Variants in UBXN11 observed in about 807,000 individuals in gnomAD.
UBXN11 encodes the protein UBX domain-containing protein 11.
Under a neutral mutation model 62.8 loss-of-function variants are expected in UBXN11, and 47 were observed. The ratio of observed to expected loss-of-function variants is 0.75; its 90% CI spans 0.59 to 0.95. The LOEUF is 0.95. UBXN11 is among the 40% of genes least tolerant of loss of function. UBXN11 has a pLI of 0.00. For synonymous variants in UBXN11, 294 were observed against 267.0 expected (o/e 1.10, Z -0.99); for missense variants, 638 against 661.7 (o/e 0.96, Z 0.39).
intron 1 of UBXN11, among the ~76,000 whole-genome samples, chr1:26,305,740 C>A (rs2073651480): frequency 6.6e-6 from 1 of 152,210 alleles, no homozygotes. Flanking sequence ...CTTCCTCCCA[C>A]TTCCCCCTTC....
In UBXN11 at chr1:26,285,522, A is replaced by G. The variant is rs377538698; in HGVS notation, c.794T>C (p.Leu265Ser). The change falls in exon 10 of 15, where the codon TTG (leucine) becomes TCG (serine). Residue 265 changes from leucine to serine, a missense_variant. Physicochemically the swap from Leu to Ser is moderately radical, Grantham distance 145. Transcript: ENST00000374222. ...GAGCTCTGAGGGAAAGAAGCCATCC[A>G]ATATGTCTCGGAGGCAGCGCTGCAA... ...PSTQRCLRDI[L>S]DGFFPSELQR... 3 of 1,595,732 alleles carry G rather than the reference A, an allele frequency of 1.9e-6. No individual in the cohort carries two copies. The highest frequency in any genetic ancestry group is 1.7e-5 in the Admixed American group (1 of 58,894).
intron 8 of UBXN11, among the ~76,000 whole-genome samples, chr1:26,287,111 GCTGA>G (rs1202172151): frequency 1.3e-5 from 2 of 152,138 alleles, no homozygotes; most frequent in Non-Finnish European, 2.9e-5. Context: ...GGGAGCCGGG[GCTGA>G]CTCTCAAGTC....
At chr1:26,308,191 T>C (rs1202682814), upstream of UBXN11, among the ~76,000 whole-genome samples, 1 of 147,368 alleles carries the variant, frequency 6.8e-6, no homozygotes, top group African/African-American at 2.5e-5. Context: ...CGCTTGAACC[T>C]GGGAGGCGGA....
In UBXN11 at chr1:26,297,437, C is replaced by A; in HGVS notation, c.345G>T (p.Arg115=). 6.4e-7 allele frequency: 1 copy of A among 1,552,112 alleles called. No individual in the cohort carries two copies. ...CCAAGAGCCCCCTACCTGGGTGTGG[C>A]CGGAGGGTCTGCACCAGGTCCTCTA... is the stretch of plus-strand genomic sequence containing the variant. ...AALEDLVQTL[R]PHPAEATLQR... is the part of the protein sequence containing the mutation. The change falls in exon 6 of 15, where the codon CGG becomes CGT. Residue 115 remains arginine (R), a synonymous_variant. Coordinates refer to ENST00000374222, the MANE Select transcript of UBXN11 (RefSeq NM_001389556.1).
At chr1:26,297,313 A>C in intron 6 of UBXN11, 114 bp downstream of exon 6, 1 of 1,273,740 alleles carries the variant, frequency 7.9e-7, no homozygotes, top group Non-Finnish European at 1.1e-6. Context: ...GACCCCACCA[A>C]GTAGTCAGCT....
At chr1:26,318,083 G>T in exon 1 of UBXN11, 1 of 1,613,122 alleles carries the variant, frequency 6.2e-7, no homozygotes, top group Non-Finnish European at 8.5e-7. Flanking sequence ...TAAGAGCAAC[G>T]CCTGGCACCA....
At chr1:26,292,534 TAAAGA>T (rs1557683857) in intron 8 of UBXN11, among the ~76,000 whole-genome samples, 1 of 149,316 alleles carries the variant, frequency 6.7e-6, no homozygotes, top group African/African-American at 2.5e-5. Flanking sequence ...AAAAGAAAAA[TAAAGA>T]AAAGAAAAAA....
chr1:26,302,813 C>T lies in UBXN11; in HGVS notation c.71G>A (p.Gly24Glu), dbSNP rs185509270. The change falls in exon 2 of 15, where the codon GGG becomes GAG. Residue 24 changes from glycine (G) to glutamate (E), a missense_variant and splice_region_variant. Transcript: ENST00000374222. ...VPLPSEPMNP[G>E]RRGIRIYGDE... ...AAGACCCCTGAGGCTGGCTCCTTAC[C>T]CAGGATTCATAGGCTCCGAGGGCAG... 5,082 of 1,613,610 alleles carry T rather than the reference C, an allele frequency of 3.1e-3. 20 individuals are homozygous for T. The highest frequency in any genetic ancestry group is 7.1e-3 in the Middle Eastern group (43 of 6,044).
chr1:26,301,829 G>T (rs2073545336), intron 2 of UBXN11, 107 bp from the exon 3 acceptor site: 1 of 1,465,804 alleles, frequency 6.8e-7, no homozygotes, highest in East Asian at 2.3e-5. Flanking sequence ...CAAAGAGATG[G>T]AAGCAGGGCC....
Position 26,282,436 on chromosome 1 carries a change from TC to T in UBXN11, c.1425del (p.Lys476SerfsTer4). 1 of 1,599,570 alleles carries T rather than the reference TC, an allele frequency of 6.3e-7. No homozygotes were observed. Among genetic ancestry groups the T allele is most frequent in the Non-Finnish European group, 8.5e-7 (1 of 1,177,980 alleles). ...AALLLRARRA[P>X]KSSLKFSPGP... ...CCAGGACTGAATTTCAGGCTGGACT[TC>T]GGGGCTCGGCGTGCCCGCAGCAGCA... On this transcript the variant is annotated frameshift_variant, in exon 15 of 15. Coordinates refer to ENST00000374222, the MANE Select transcript of UBXN11 (RefSeq NM_001389556.1). LOFTEE classifies it low-confidence loss of function (END_TRUNC).
chr1:26,317,168 G>A (rs1472750177), intron 1 of UBXN11, among the ~76,000 whole-genome samples: 1 of 151,674 alleles, frequency 6.6e-6, no homozygotes, highest in Non-Finnish European at 1.5e-5. Context: ...TTGAACCCAG[G>A]AGGTGGAGGT....
intron 1 of UBXN11, among the ~76,000 whole-genome samples, chr1:26,304,368 C>T (rs1194065715): frequency 1.3e-5 from 2 of 152,234 alleles, no homozygotes; most frequent in Admixed American, 6.5e-5. Context: ...CATTAGTTCC[C>T]ATGTGCTACC....
At position 26,284,149 on chromosome 1, in the gene UBXN11, G is replaced by T. The variant is rs911218815; in HGVS notation, c.1070C>A (p.Thr357Asn). ...VIDIRGPIRD[T>N]LQNCCPLPAR... ...AGTTAGCATTGGCCTCACCTGCAAGGTGTCCCTGATGGGGCCCCGGATGTC... is the reference window on the plus strand; with the variant it reads ...AGTTAGCATTGGCCTCACCTGCAAGTTGTCCCTGATGGGGCCCCGGATGTC... The change falls in exon 12 of 15, where the codon ACC becomes AAC. Residue 357 changes from threonine to asparagine, a missense_variant. Coordinates refer to ENST00000374222, the MANE Select transcript of UBXN11 (RefSeq NM_001389556.1). The T allele has an allele frequency of 6.2e-7, 1 of 1,608,992 alleles. No homozygotes were observed. Among genetic ancestry groups the T allele is most frequent in the South Asian group, 1.1e-5 (1 of 90,464 alleles).
chr1:26,308,690 A>G (rs2073708165), upstream of UBXN11, among the ~76,000 whole-genome samples: 1 of 152,198 alleles, frequency 6.6e-6, no homozygotes, highest in Admixed American at 6.5e-5. Context: ...CACCTTGCTC[A>G]TGGAGATAAG....
At position 26,296,912 on chromosome 1, in the gene UBXN11, C is replaced by T. The variant is rs1169628162; in HGVS notation, c.432+7G>A. The T allele has an allele frequency of 1.2e-6, 2 of 1,601,336 alleles. No homozygotes were observed. Among genetic ancestry groups the T allele is most frequent in the South Asian group, 2.2e-5 (2 of 88,936 alleles). On this transcript the variant is annotated splice_region_variant and intron_variant, in intron 7 of 14. Transcript: ENST00000374222. The stretch of plus-strand genomic sequence containing the variant: ...TGCCCGCATCCCCCGGGGCCCAGCT[C>T]TCTCACCTCCATCTCCCTGACCTGC...
intron 1 of UBXN11, among the ~76,000 whole-genome samples, chr1:26,303,515 T>C (rs1258643338): frequency 6.7e-6 from 1 of 150,188 alleles, no homozygotes; most frequent in Non-Finnish European, 1.5e-5. Context: ...TCCCAGCTAC[T>C]TGGGAGTCTG....
chr1:26,305,376 C>T (rs2073639991), intron 1 of UBXN11, among the ~76,000 whole-genome samples: 1 of 152,188 alleles, frequency 6.6e-6, no homozygotes, highest in African/African-American at 2.4e-5. Context: ...CACCTTCTTA[C>T]AGTGTAATTT....
At chr1:26,301,324 C>T (rs936720322) in intron 3 of UBXN11, among the ~76,000 whole-genome samples, 3 of 148,722 alleles carry the variant, frequency 2.0e-5, no homozygotes, top group South Asian at 4.5e-4. Context: ...ACAGGCCTCC[C>T]GGGAGAAAGG....
intron 1 of UBXN11, among the ~76,000 whole-genome samples, chr1:26,312,840 G>A (rs535165672): frequency 4.0e-4 from 60 of 151,518 alleles, no homozygotes; most frequent in African/African-American, 1.3e-3. Flanking sequence ...TTAGCTGGGC[G>A]TGTTGGCATG....
Sources: allele counts gnomAD v4.1 joint callset (sites outside exome capture counted in the v4.1 genomes callset), GRCh38; gene constraint gnomAD v4.1.1; transcripts MANE v1.5; gene names NCBI Gene and HGNC (gene_info 2026-07-23, HGNC 2026-07-21).